DHRSX: variants seen among roughly 807,000 people sequenced by gnomAD.
DHRSX encodes the protein dehydrogenase/reductase X-linked.
In DHRSX, 31 loss-of-function variants were observed where a neutral mutation model predicts 34.0. That is an observed-to-expected ratio of 0.91 (90% CI 0.69 to 1.23). DHRSX has a LOEUF of 1.23. DHRSX is among the 50% of genes most tolerant of loss of function. DHRSX has a pLI of 0.00. For missense variants in DHRSX, 414 were observed against 428.1 expected, an observed-to-expected ratio of 0.97 and a Z score of 0.29; for synonymous variants, 201 against 183.8, an observed-to-expected ratio of 1.09 and a Z score of -0.76.
intron 1 of DHRSX, among the ~76,000 whole-genome samples, chrX:2,456,164 C>T (rs766119495): frequency 1.3e-5 from 2 of 152,208 alleles, no homozygotes; most frequent in South Asian, 2.1e-4. Flanking sequence ...ACAAGAGACA[C>T]GACTGTAACA....
At chrX:2,221,360 A>C (rs1055241980) in intron 6 of DHRSX, 131 bp from the exon 7 acceptor site, 2 of 949,040 alleles carry the variant, frequency 2.1e-6, no homozygotes, top group Non-Finnish European at 3.1e-6. Context: ...ATGTATGCAA[A>C]AAGCGAGGTT....
intron 3 of DHRSX, among the ~76,000 whole-genome samples, chrX:2,384,977 C>T (rs2043253744): frequency 6.6e-6 from 1 of 151,340 alleles, no homozygotes; most frequent in South Asian, 2.1e-4. Context: ...TTGCTGCGCA[C>T]CTGTAGTCCC....
chrX:2,298,318 T>G (rs1316826457), intron 3 of DHRSX, among the ~76,000 whole-genome samples: 2 of 62,238 alleles, frequency 3.2e-5, no homozygotes, highest in Non-Finnish European at 2.9e-5. Flanking sequence ...AGTTTTGGTG[T>G]TTTTTTTTTT....
chrX:2,307,464 A>T (rs923658120), intron 3 of DHRSX, among the ~76,000 whole-genome samples: 2 of 151,884 alleles, frequency 1.3e-5, no homozygotes, highest in African/African-American at 4.8e-5. Context: ...AATTTTTTTT[A>T]AAAGAAAACA....
At chrX:2,396,632 C>A (rs1230418190) in intron 3 of DHRSX, among the ~76,000 whole-genome samples, 1 of 151,944 alleles carries the variant, frequency 6.6e-6, no homozygotes, top group African/African-American at 2.4e-5. Flanking sequence ...CCCGCCTTGG[C>A]CTCCCAAAGG....
intron 3 of DHRSX, among the ~76,000 whole-genome samples, chrX:2,389,348 T>G (rs1324706728): frequency 6.6e-6 from 1 of 152,118 alleles, no homozygotes; most frequent in East Asian, 1.9e-4. Context: ...GAAGATGACC[T>G]GAGCTCCTGC....
At chrX:2,319,226 C>T (rs1318936886) in intron 3 of DHRSX, among the ~76,000 whole-genome samples, 1 of 135,134 alleles carries the variant, frequency 7.4e-6, no homozygotes, top group Non-Finnish European at 1.6e-5. Context: ...TCCCCCCCTC[C>T]CTTCTCCTCC....
At chrX:2,438,428 T>C (rs1390147087) in intron 1 of DHRSX, among the ~76,000 whole-genome samples, 1 of 152,012 alleles carries the variant, frequency 6.6e-6, no homozygotes, top group Non-Finnish European at 1.5e-5. Context: ...CCCAGCACTT[T>C]GGGAGGCTAA....
At chrX:2,398,449 G>A (rs1279606297) in intron 3 of DHRSX, among the ~76,000 whole-genome samples, 5 of 152,180 alleles carry the variant, frequency 3.3e-5, no homozygotes, top group South Asian at 2.1e-4. Context: ...TAGGAGGATC[G>A]CCTGAGGCTG....
intron 3 of DHRSX, among the ~76,000 whole-genome samples, chrX:2,306,485 A>C: frequency 6.8e-6 from 1 of 147,690 alleles, no homozygotes; most frequent in South Asian, 2.1e-4. Context: ...TTTTTGAGGC[A>C]GAGTCTTGCT....
intron 1 of DHRSX, among the ~76,000 whole-genome samples, chrX:2,432,580 G>A (rs944138711): frequency 2.6e-5 from 4 of 152,270 alleles, no homozygotes; most frequent in Non-Finnish European, 4.4e-5. Flanking sequence ...TTGAGTACAC[G>A]ACAAAAGGGG....
chrX:2,382,618 C>CCAT (rs2043217986), intron 3 of DHRSX, among the ~76,000 whole-genome samples: 1 of 9,220 alleles, frequency 1.1e-4, no homozygotes, highest in South Asian at 2.4e-3. Flanking sequence ...ACCATCATCA[C>CCAT]CACCATCATC....
intron 3 of DHRSX, among the ~76,000 whole-genome samples, chrX:2,395,052 C>A (rs1445520373): frequency 2.6e-5 from 4 of 151,962 alleles, no homozygotes; most frequent in Admixed American, 2.0e-4. Flanking sequence ...CAGTGGTCAG[C>A]GTTATAGGTG....
chrX:2,473,479 C>T (rs1430679684), intron 1 of DHRSX, among the ~76,000 whole-genome samples: 15 of 151,892 alleles, frequency 9.9e-5, no homozygotes, highest in Admixed American at 2.0e-4. Context: ...TAAAATTAGC[C>T]GGGCGTGGTG....
chrX:2,444,587 C>G (rs995919448), intron 1 of DHRSX, among the ~76,000 whole-genome samples: 1 of 152,082 alleles, frequency 6.6e-6, no homozygotes, highest in African/African-American at 2.4e-5. Flanking sequence ...TCCCAGCACT[C>G]TGGGAGGCCC....
At chrX:2,330,116 G>GAC (rs2042443559) in intron 3 of DHRSX, among the ~76,000 whole-genome samples, 2 of 107,494 alleles carry the variant, frequency 1.9e-5, no homozygotes, top group African/African-American at 7.3e-5. Flanking sequence ...GAGAGAGAGA[G>GAC]AGAGAGACAG....
intron 4 of DHRSX, 92 bp downstream of exon 4, chrX:2,291,405 ATCCTG>A (rs1366527510): frequency 1.1e-6 from 1 of 900,898 alleles, no homozygotes; most frequent in African/African-American, 1.7e-5. Flanking sequence ...TCCCATGGAT[ATCCTG>A]TTTTGCTGAG....
chrX:2,457,508 A>T (rs1338223703), intron 1 of DHRSX, among the ~76,000 whole-genome samples: 2 of 151,554 alleles, frequency 1.3e-5, no homozygotes, highest in Admixed American at 6.6e-5. Flanking sequence ...GACAGCACTC[A>T]AGACATTCCC....
At chrX:2,242,740 A>T (rs1267074841) in intron 6 of DHRSX, among the ~76,000 whole-genome samples, 1 of 152,108 alleles carries the variant, frequency 6.6e-6, no homozygotes, top group Non-Finnish European at 1.5e-5. Flanking sequence ...TCTACGGTCT[A>T]AAAAGGGGAG....
Sources: gnomAD v4.1 joint callset for allele counts (sites outside exome capture counted in the v4.1 genomes callset) on GRCh38, gnomAD v4.1.1 for gene constraint, MANE v1.5 for transcripts, NCBI Gene and HGNC (gene_info 2026-07-23, HGNC 2026-07-21) for gene names.